The following MLXIPL variants were observed in gnomAD, a reference collection of about 807,000 sequenced individuals.
MLXIPL encodes carbohydrate-responsive element-binding protein.
In MLXIPL, 49 loss-of-function variants were observed where a neutral mutation model predicts 81.5. The observed-to-expected ratio is 0.60, with a 90% confidence interval of 0.48 to 0.76. The LOEUF is 0.76. Ranked by LOEUF, MLXIPL falls within the 30% of genes least tolerant of loss-of-function variation. The pLI is 0.00. For missense variants in MLXIPL, 1,053 were observed against 1,167.0 expected (o/e 0.90, Z 1.42); for synonymous variants, 466 against 485.5 (o/e 0.96, Z 0.53).
rs139543215 is a variant in MLXIPL, at chr7:73,596,259, C to T, written c.1952G>A (p.Arg651His). The T allele has an allele frequency of 1.5e-5, 24 of 1,612,428 alleles. No individual in the cohort carries two copies. The highest frequency in any genetic ancestry group is 3.3e-5 in the South Asian group (3 of 91,024). ...CTGCTCCGCGGAGATGTGTGTGATA[C>T]GCCGGTTCTCGGTCTCGGGGAGCAG... is the stretch of plus-strand genomic sequence containing the variant. ...RPDSNKTENR[R>H]ITHISAEQKR... The change falls in exon 13 of 17, where the codon CGT becomes CAT. Residue 651 changes from arginine to histidine, a missense_variant. Physicochemically the swap from Arg to His is conservative, Grantham distance 29. Around this residue, in one of 3 missense-constraint regions of MLXIPL, gnomAD observed 823 missense variants for 933.0 expected, o/e 0.88. Transcript: ENST00000313375. This position sits in a 1 kb window ranked among gnomAD's most constrained non-coding sequence, Gnocchi z 4.7.
chr7:73,608,549 T>C (rs1795477552), intron 2 of MLXIPL, among the ~76,000 whole-genome samples: 1 of 151,378 alleles, frequency 6.6e-6, no homozygotes, highest in Non-Finnish European at 1.5e-5. Context: ...GCCACTGCAT[T>C]CCAGCCTGGT....
intron 9 of MLXIPL, 78 bp downstream of exon 9, chr7:73,597,104 C>T (rs2116195289): frequency 6.7e-7 from 1 of 1,495,832 alleles, no homozygotes; most frequent in African/African-American, 1.4e-5. Flanking sequence ...CCTTCATCTT[C>T]TGCTCCCAAA....
chr7:73,593,774 G>T lies in MLXIPL; in HGVS notation c.*91C>A. ...AAGGGCAGAGCCAGGGCCTGGGGCA[G>T]GAAGGGAGTGCCCAGAGATGATCCC... On this transcript the variant is annotated 3_prime_UTR_variant, in exon 17 of 17. Transcript: ENST00000313375. 6.0e-6 allele frequency: 7 copies of T among 1,161,108 alleles called. No homozygotes were observed. In the South Asian group the frequency reaches 8.6e-5, roughly 14 times the overall value. The allele number at this position is 1,161,108 out of a possible 1,614,324, so 71.9% of individuals were successfully genotyped here. A position where few individuals can be genotyped will look rare whatever the true frequency, so the allele number is the denominator to read the frequency against.
chr7:73,612,631 G>A (rs1167994994), intron 2 of MLXIPL, among the ~76,000 whole-genome samples: 2 of 144,520 alleles, frequency 1.4e-5, no homozygotes, highest in East Asian at 2.0e-4. Context: ...AACAGAGTGA[G>A]ACCCCCATCT....
intron 2 of MLXIPL, among the ~76,000 whole-genome samples, chr7:73,615,413 G>A (rs1003128724): frequency 3.3e-5 from 5 of 152,076 alleles, no homozygotes; most frequent in African/African-American, 1.2e-4. Flanking sequence ...TTTTACCCTC[G>A]CATTCAAGGC....
At chr7:73,620,511 C>T (rs538846797) in intron 1 of MLXIPL, among the ~76,000 whole-genome samples, 7 of 139,636 alleles carry the variant, frequency 5.0e-5, no homozygotes, top group East Asian at 4.7e-4. Context: ...GAGGCCGAGA[C>T]GGGTGGATCA....
upstream of MLXIPL, among the ~76,000 whole-genome samples, chr7:73,626,841 G>C (rs531518155): frequency 4.6e-5 from 7 of 152,300 alleles, no homozygotes; most frequent in Non-Finnish European, 7.4e-5. Flanking sequence ...GTCATGTTAG[G>C]GAAAGCGGAG....
chr7:73,595,847 G>T lies in MLXIPL; in HGVS notation c.2181C>A (p.Ala727=). 6.2e-7 allele frequency: 1 copy of T among 1,605,746 alleles called. No individual in the cohort carries two copies. ...CCCGCCTGGACCCTGCCTACTTAATGGCGGCATTGAGCTCCTCAATCTCAT... is the reference window on the plus strand; with the variant it reads ...CCCGCCTGGACCCTGCCTACTTAATTGCGGCATTGAGCTCCTCAATCTCAT... ...LRDEIEELNA[A]INLCQQQLPA... Residue 727 remains alanine, a synonymous_variant, in exon 14 of 17, where the codon GCC becomes GCA. Coordinates refer to ENST00000313375, the MANE Select transcript of MLXIPL (RefSeq NM_032951.3).
the MLXIPL span, among the ~76,000 whole-genome samples, chr7:73,634,683 C>T: frequency 6.6e-6 from 1 of 152,018 alleles, no homozygotes; most frequent in South Asian, 2.1e-4. Context: ...GCGTGAGCCA[C>T]TGTGCCTGGC....
chr7:73,642,826 A>C, the MLXIPL span, among the ~76,000 whole-genome samples: 1 of 152,190 alleles, frequency 6.6e-6, no homozygotes, highest in Non-Finnish European at 1.5e-5. Context: ...GACATGATTG[A>C]TTATGTGACT....
chr7:73,624,494 G>A lies in MLXIPL; in HGVS notation c.-2C>T. The A allele has an allele frequency of 6.6e-7, 1 of 1,524,486 alleles. No individual in the cohort carries two copies. The highest frequency in any genetic ancestry group is 8.8e-7 in the Non-Finnish European group (1 of 1,142,530). The allele number at this position is 1,524,486 out of a possible 1,614,324, so 94.4% of individuals were successfully genotyped here. On this transcript the variant is annotated 5_prime_UTR_variant, in exon 1 of 17. Transcript: ENST00000313375. ...CAGACCTGCCAGCGCGCCGGCCATG[G>A]CTGTCGCCGCCGCAACCGCCTGGTC...
intron 1 of MLXIPL, among the ~76,000 whole-genome samples, chr7:73,617,341 T>G (rs916295058): frequency 5.9e-5 from 9 of 151,792 alleles, no homozygotes; most frequent in Admixed American, 3.3e-4. Flanking sequence ...TTATAGAGAG[T>G]GGCAGTCACT....
chr7:73,594,094 C>T, intron 16 of MLXIPL, 111 bp from the exon 17 acceptor site: 2 of 1,375,926 alleles, frequency 1.5e-6, no homozygotes, highest in South Asian at 1.2e-5. Flanking sequence ...GACTGTCACC[C>T]CCTCCTAGAA....
chr7:73,599,025 G>GCC (rs1197516949), intron 8 of MLXIPL, among the ~76,000 whole-genome samples: 8 of 151,070 alleles, frequency 5.3e-5, no homozygotes, highest in Middle Eastern at 3.2e-3. Flanking sequence ...CCGAGATCAT[G>GCC]CCACTGCACT....
the MLXIPL span, among the ~76,000 whole-genome samples, chr7:73,637,248 CAAGA>C: frequency 6.6e-6 from 1 of 151,680 alleles, no homozygotes; most frequent in South Asian, 2.1e-4. Flanking sequence ...CAGGCCGAGG[CAAGA>C]GGATCACTTG....
intron 15 of MLXIPL, among the ~76,000 whole-genome samples, chr7:73,595,075 G>A (rs1554593191): frequency 6.6e-6 from 1 of 151,814 alleles, no homozygotes; most frequent in African/African-American, 2.4e-5. Context: ...TGAACTCCTG[G>A]CCTCAAGTGA....
intron 2 of MLXIPL, chr7:73,610,497 C>T (rs1323006347): frequency 6.6e-6 from 1 of 152,310 alleles, no homozygotes; most frequent in Non-Finnish European, 1.5e-5. Context: ...CAGGGTCTCA[C>T]TCTTGTCACC....
rs1417421145 is a variant in MLXIPL, at chr7:73,623,974, G to A, written c.293+226C>T. ...GGGGAAGAGGGAATGGGGGAGGAATGGGAATCAGAAATGCGTGGGTCCGTC... is the reference window on the plus strand; with the variant it reads ...GGGGAAGAGGGAATGGGGGAGGAATAGGAATCAGAAATGCGTGGGTCCGTC... On this transcript the variant is annotated intron_variant, in intron 1 of 16. Transcript: ENST00000313375. The surrounding 1 kb of genome is among the most constrained non-coding windows in gnomAD (Gnocchi z 5.7). Among the ~76,000 whole-genome samples, 3 of 152,124 alleles carry A rather than the reference G, an allele frequency of 2.0e-5. No individual in the cohort carries two copies. Among genetic ancestry groups the A allele is most frequent in the African/African-American group, 7.2e-5 (3 of 41,422 alleles).
the MLXIPL span, among the ~76,000 whole-genome samples, chr7:73,644,677 T>C: frequency 9.2e-5 from 14 of 152,176 alleles, no homozygotes; most frequent in East Asian, 3.8e-4. Context: ...TTTCCTTCCT[T>C]CCTGGTCGAC....
Sources: allele counts gnomAD v4.1 joint callset (sites outside exome capture counted in the v4.1 genomes callset), GRCh38; gene constraint gnomAD v4.1.1; regional missense constraint gnomAD v4.1.1; non-coding constraint Gnocchi (gnomAD v3.1); transcripts MANE v1.5; gene names NCBI Gene and HGNC (gene_info 2026-07-23, HGNC 2026-07-21).